The following TMEM185A variants were observed in gnomAD, a reference collection of about 807,000 sequenced individuals.
The protein encoded by TMEM185A is transmembrane protein 185A.
Under a neutral mutation model 25.0 loss-of-function variants are expected in TMEM185A, and 9 were observed. The ratio of observed to expected loss-of-function variants is 0.36; its 90% CI spans 0.22 to 0.63. The LOEUF is 0.63. Among genes scored for constraint, TMEM185A ranks in the 20% least tolerant of loss-of-function variants. The pLI, the probability that TMEM185A is intolerant of heterozygous loss-of-function variation, is 0.68. For synonymous variants in TMEM185A, 45 were observed against 93.5 expected, an observed-to-expected ratio of 0.48 and a Z score of 2.99; for missense variants, 103 against 237.4, an observed-to-expected ratio of 0.43 and a Z score of 3.72.
Position 149,608,682 on chromosome X carries a change from G to C in TMEM185A, c.368C>G (p.Ser123Cys), listed in dbSNP as rs1557353983. The part of the protein sequence containing the change: ...LLVFMPLFFV[S>C]PVSVAACVWG... ...AACGCAAGCTGCAACAGACACCGGG[G>C]AAACAAAGAACAGCGGCATGAAGAC... The change falls in exon 3 of 7, where the codon TCC (serine) becomes TGC (cysteine). Residue 123 changes from serine to cysteine, a missense_variant. By Grantham distance (112) the Ser-to-Cys change is moderately radical. This residue lies in a region of TMEM185A where 102 missense variants were observed against 125.7 expected (regional missense o/e 0.81). Coordinates refer to ENST00000600449, the MANE Select transcript of TMEM185A (RefSeq NM_032508.4). 5 of 1,211,784 alleles carry C rather than the reference G, an allele frequency of 4.1e-6. No individual in the cohort carries two copies. Among genetic ancestry groups the C allele is most frequent in the East Asian group, 5.9e-5 (2 of 33,868 alleles).
At chrX:149,607,261 A>G (rs782186554) in intron 3 of TMEM185A, among the ~76,000 whole-genome samples, 11 of 111,717 alleles carry the variant, frequency 9.8e-5, no homozygotes, top group Non-Finnish European at 2.1e-4. Context: ...TCCTAAGCCA[A>G]CTGCAGTCTT....
chrX:149,609,023 G>A (rs1163654640), intron 2 of TMEM185A, among the ~76,000 whole-genome samples, 189 bp from the exon 3 acceptor site: 1 of 112,451 alleles, frequency 8.9e-6, no homozygotes, highest in African/African-American at 3.2e-5. Context: ...AAACATCGAA[G>A]AACTACTACA....
chrX:149,607,490 C>T (rs1202443110), intron 3 of TMEM185A, among the ~76,000 whole-genome samples: 1 of 112,938 alleles, frequency 8.9e-6, no homozygotes, highest in Non-Finnish European at 1.9e-5. Flanking sequence ...ACCTACCTCA[C>T]AGAGTTAGTT....
At chrX:149,614,012 T>C (rs2090098031) in intron 1 of TMEM185A, among the ~76,000 whole-genome samples, 1 of 112,456 alleles carries the variant, frequency 8.9e-6, no homozygotes, top group Non-Finnish European at 1.9e-5. Context: ...TCTTAGTAAC[T>C]AATAGAACAC....
chrX:149,630,277 C>A (rs1456701142), intron 1 of TMEM185A, among the ~76,000 whole-genome samples: 11 of 111,410 alleles, frequency 9.9e-5, no homozygotes, highest in African/African-American at 3.6e-4. Context: ...AAAATGTCAC[C>A]ATCCCTAGGG....
intron 1 of TMEM185A, among the ~76,000 whole-genome samples, chrX:149,614,655 T>G (rs2090101711): frequency 9.0e-6 from 1 of 111,725 alleles, no homozygotes; most frequent in Admixed American, 9.5e-5. Context: ...AAAAGCAGTT[T>G]CTTTGAGAAA....
intron 1 of TMEM185A, among the ~76,000 whole-genome samples, chrX:149,622,316 T>C (rs1229139158): frequency 8.9e-6 from 1 of 112,411 alleles, no homozygotes; most frequent in Non-Finnish European, 1.9e-5. Context: ...ACAATTTTTC[T>C]TTTTTAAGGA....
rs1405112298 is a variant in TMEM185A at position 149,629,233 on chromosome X, T to C, written c.38+2310A>G. On this transcript the variant is annotated intron_variant, in intron 1 of 6. Transcript: ENST00000600449. ...GGAAAAGAGAGGGAAACATTCCTGGTAAAGAGAACAGTGTGTGACAAGGTC... is the reference window on the plus strand; with the variant it reads ...GGAAAAGAGAGGGAAACATTCCTGGCAAAGAGAACAGTGTGTGACAAGGTC... Among the ~76,000 whole-genome samples the C allele has an allele frequency of 2.7e-5, 3 of 111,365 alleles. No homozygotes were observed. The East Asian group carries it at 8.4e-4, about 31-fold the overall frequency.
chrX:149,630,983 G>A (rs139117466), intron 1 of TMEM185A, among the ~76,000 whole-genome samples: 1,149 of 111,210 alleles, frequency 0.01, 8 homozygotes, highest in African/African-American at 0.026. Context: ...ACCCAGAAAT[G>A]CATTATATAA....
intron 1 of TMEM185A, among the ~76,000 whole-genome samples, chrX:149,614,718 T>C (rs1268554316): frequency 2.7e-5 from 3 of 111,309 alleles, no homozygotes; most frequent in Non-Finnish European, 5.7e-5. Flanking sequence ...AAGAGTAGGC[T>C]CAAATTACTA....
At chrX:149,616,135 A>G (rs1265352074) in intron 1 of TMEM185A, among the ~76,000 whole-genome samples, 1 of 112,300 alleles carries the variant, frequency 8.9e-6, no homozygotes, top group Non-Finnish European at 1.9e-5. Context: ...TGGGGACTAG[A>G]GTCAACTTGT....
intron 1 of TMEM185A, among the ~76,000 whole-genome samples, chrX:149,616,547 T>C (rs1557355058): frequency 8.9e-6 from 1 of 112,010 alleles, no homozygotes. Flanking sequence ...CCACACTGCC[T>C]TCTCCTCTTA....
At chrX:149,623,504 A>G (rs1401299065) in intron 1 of TMEM185A, among the ~76,000 whole-genome samples, 1 of 111,515 alleles carries the variant, frequency 9.0e-6, no homozygotes, top group Admixed American at 9.5e-5. Flanking sequence ...TTTGTTAAGC[A>G]GTTTAGTAGA....
intron 1 of TMEM185A, among the ~76,000 whole-genome samples, chrX:149,630,998 T>C (rs114668028): frequency 0.063 from 6,983 of 110,423 alleles, 532 homozygotes; most frequent in East Asian, 0.35. Flanking sequence ...ATATAAGGTA[T>C]TGCCATACCC....
At chrX:149,605,364 CA>C in intron 3 of TMEM185A, among the ~76,000 whole-genome samples, 2 of 97,308 alleles carry the variant, frequency 2.1e-5, no homozygotes, top group African/African-American at 7.7e-5. Flanking sequence ...TATGGCCTCC[CA>C]TGTCACTTTC....
chrX:149,603,292 CTTT>C (rs1180036279), intron 4 of TMEM185A, among the ~76,000 whole-genome samples: 1 of 103,539 alleles, frequency 9.7e-6, no homozygotes, highest in Non-Finnish European at 2.0e-5. Flanking sequence ...ATGGGTATGG[CTTT>C]TTTTTTTTTT....
intron 1 of TMEM185A, among the ~76,000 whole-genome samples, chrX:149,628,084 C>G (rs1408873462): frequency 8.9e-6 from 1 of 112,033 alleles, no homozygotes; most frequent in Non-Finnish European, 1.9e-5. Context: ...CAACACTTCT[C>G]AGCCTTTGTT....
At chrX:149,628,463 T>C (rs1472261252) in intron 1 of TMEM185A, among the ~76,000 whole-genome samples, 2 of 112,123 alleles carry the variant, frequency 1.8e-5, no homozygotes, top group Non-Finnish European at 3.8e-5. Context: ...TAAAAAGCAA[T>C]TATGAAAAGA....
At chrX:149,618,061 T>C (rs1377451797) in intron 1 of TMEM185A, among the ~76,000 whole-genome samples, 3 of 111,201 alleles carry the variant, frequency 2.7e-5, no homozygotes, top group African/African-American at 6.5e-5. Flanking sequence ...GAGCTCAGAG[T>C]TGGGAGTCAA....
Sources: allele counts gnomAD v4.1 joint callset (sites outside exome capture counted in the v4.1 genomes callset), GRCh38; gene constraint gnomAD v4.1.1; regional missense constraint gnomAD v4.1.1; transcripts MANE v1.5; gene names NCBI Gene and HGNC (gene_info 2026-07-23, HGNC 2026-07-21).